The following CNGB1 variants were observed in gnomAD, a reference collection of about 807,000 sequenced individuals.
CNGB1 encodes cyclic nucleotide gated channel subunit beta 1.
Under a neutral mutation model 151.7 loss-of-function variants are expected in CNGB1, and 126 were observed. The ratio of observed to expected loss-of-function variants is 0.83; its 90% CI spans 0.72 to 0.96. CNGB1 has a LOEUF of 0.96. CNGB1 is among the 40% of genes least tolerant of loss of function. CNGB1 has a pLI of 0.00. For missense variants in CNGB1, 1,698 were observed against 1,627.0 expected (o/e 1.04, Z -0.75); for synonymous variants, 623 against 635.1 (o/e 0.98, Z 0.29).
At chr16:57,889,261 G>A (rs1403225766) in intron 31 of CNGB1, among the ~76,000 whole-genome samples, 9 of 152,096 alleles carry the variant, frequency 5.9e-5, no homozygotes, top group Non-Finnish European at 8.8e-5. Context: ...CCATGGCCTC[G>A]CAAAGTGCTG....
intron 31 of CNGB1, among the ~76,000 whole-genome samples, chr16:57,896,666 T>C (rs758986389): frequency 3.3e-5 from 5 of 151,672 alleles, no homozygotes; most frequent in Admixed American, 6.6e-5. Context: ...TGAGCCAAGA[T>C]TGTGCCACGG....
intron 31 of CNGB1, among the ~76,000 whole-genome samples, chr16:57,895,183 A>C (rs1960189650): frequency 6.6e-6 from 1 of 152,164 alleles, no homozygotes; most frequent in African/African-American, 2.4e-5. Flanking sequence ...GGTGGCTCAC[A>C]CCTGTAATCC....
chr16:57,939,315 G>T lies in CNGB1; in HGVS notation c.1372+115C>A, dbSNP rs542856705. On this transcript the variant is annotated intron_variant, in intron 16 of 32. Transcript: ENST00000251102. ...AGACAGGGTGGCTGAGGGGGCAATGGGGGGAAGGAGATGGAGGGAGAGGAG... is the reference window on the plus strand; with the variant it reads ...AGACAGGGTGGCTGAGGGGGCAATGTGGGGAAGGAGATGGAGGGAGAGGAG... 3.4e-6 allele frequency: 5 copies of T among 1,462,788 alleles called. No individual in the cohort carries two copies. The African/African-American group carries it at 4.2e-5, about 12-fold the overall frequency. 90.6% of individuals were successfully genotyped at this position (1,462,788 alleles called of 1,614,324 possible).
chr16:57,939,350 C>T (rs1236358592), intron 16 of CNGB1, 80 bp downstream of exon 16: 17 of 1,592,364 alleles, frequency 1.1e-5, no homozygotes, highest in African/African-American at 1.3e-5. Flanking sequence ...GGAGGGGTTG[C>T]CCCTGCACGA....
intron 25 of CNGB1, 52 bp from the exon 26 acceptor site, chr16:57,904,927 G>C (rs527671017): frequency 5.0e-6 from 8 of 1,610,610 alleles, no homozygotes; most frequent in Admixed American, 1.7e-5. Context: ...CCACTCTGCC[G>C]CCCCGAGCAG....
intron 12 of CNGB1, chr16:57,955,050 T>C (rs1234662055): frequency 5.4e-6 from 7 of 1,291,602 alleles, no homozygotes; most frequent in Non-Finnish European, 5.9e-6. Context: ...CGCCCGGCTA[T>C]GGGCCTTTTC....
At chr16:57,950,585 G>A in intron 12 of CNGB1, 45 bp from the exon 13 acceptor site, 1 of 1,609,766 alleles carries the variant, frequency 6.2e-7, no homozygotes, top group Non-Finnish European at 8.5e-7. Context: ...GTGCGGGAGA[G>A]TGGGCTTGGG....
At chr16:57,891,278 G>C (rs534591157) in intron 31 of CNGB1, among the ~76,000 whole-genome samples, 3 of 152,250 alleles carry the variant, frequency 2.0e-5, no homozygotes, top group Admixed American at 1.3e-4. Flanking sequence ...AGCAAAAATG[G>C]AAACATTGTT....
At chr16:57,916,065 G>A in intron 22 of CNGB1, 64 bp downstream of exon 22, 1 of 1,503,552 alleles carries the variant, frequency 6.7e-7, no homozygotes. Context: ...AGGCACCCAG[G>A]GCCCTCTGAG....
intron 4 of CNGB1, 133 bp downstream of exon 4, chr16:57,963,997 C>T (rs1962325262): frequency 3.7e-6 from 3 of 807,984 alleles, no homozygotes; most frequent in Non-Finnish European, 5.9e-6. Flanking sequence ...CCCAGGATGT[C>T]CCAGGGCTTT....
At chr16:57,941,984 T>A (rs975049682) in intron 14 of CNGB1, among the ~76,000 whole-genome samples, 2 of 152,200 alleles carry the variant, frequency 1.3e-5, no homozygotes, top group African/African-American at 4.8e-5. Context: ...CCCGAGTAGC[T>A]GGGACTACAG....
chr16:57,962,878 AGG>A lies in CNGB1; in HGVS notation c.382-8_382-7del. Reference sequence around the variant, plus strand: ...GTGCTGCCATGCCCCAGGATCTGCCAGGGACAGACAGACAGACATGGGCAGGG... The same window carrying A: ...GTGCTGCCATGCCCCAGGATCTGCCAGACAGACAGACAGACATGGGCAGGG... On this transcript the variant is annotated splice_polypyrimidine_tract_variant and splice_region_variant and intron_variant, in intron 5 of 32. Transcript: ENST00000251102. 1.2e-6 allele frequency: 2 copies of A among 1,612,626 alleles called. No homozygotes were observed. Among genetic ancestry groups the A allele is most frequent in the Non-Finnish European group, 1.7e-6 (2 of 1,180,006 alleles).
rs762543707 is a variant in CNGB1 at position 57,912,993 on chromosome 16, T to A, written c.2306A>T (p.Tyr769Phe). ...GCTGTTAAACTCGAAGAAGGCCATG[T>A]ACTGGAGGGAGAGGAGGGCGTGAGA... ...PLLRLPRCLK[Y>F]MAFFEFNSRL... Residue 769 changes from tyrosine (Y) to phenylalanine (F), a missense_variant and splice_region_variant, in exon 24 of 33, where the codon TAC (tyrosine) becomes TTC (phenylalanine). Physicochemically the swap from Tyr to Phe is conservative, Grantham distance 22. Coordinates refer to ENST00000251102, the MANE Select transcript of CNGB1 (RefSeq NM_001297.5). 1.7e-5 allele frequency: 28 copies of A among 1,613,818 alleles called. No homozygotes were observed. The Admixed American group carries it at 4.7e-4, about 27-fold the overall frequency.
chr16:57,940,285 G>A lies in CNGB1; in HGVS notation c.1158C>T (p.Gly386=), dbSNP rs773386184. ...LLDSCVVSQV[G]VGQSEEDGTR... is the part of the protein sequence containing the mutation. Reference sequence around the variant, plus strand: ...TCCCGTCTTCTTCACTCTGGCCCACGCCCACCTGCGACACCACACAGCTAT... The same window carrying A: ...TCCCGTCTTCTTCACTCTGGCCCACACCCACCTGCGACACCACACAGCTAT... The change falls in exon 15 of 33, where the codon GGC becomes GGT. Residue 386 remains glycine, a synonymous_variant. Transcript: ENST00000251102. 19 of 1,582,730 alleles carry A rather than the reference G, an allele frequency of 1.2e-5. No individual in the cohort carries two copies. In the Admixed American group the frequency reaches 1.3e-4, roughly 11 times the overall value.
At chr16:57,921,746 G>A (rs1254255395) in intron 18 of CNGB1, among the ~76,000 whole-genome samples, 2 of 152,202 alleles carry the variant, frequency 1.3e-5, no homozygotes, top group African/African-American at 4.8e-5. Flanking sequence ...TTCTAGTGGT[G>A]ACCAGTGGGA....
rs2149386601 is a variant in CNGB1, at chr16:57,960,079, A to G, written c.584-14T>C. The G allele has an allele frequency of 6.5e-7, 1 of 1,544,450 alleles. No individual in the cohort carries two copies. The highest frequency in any genetic ancestry group is 8.7e-7 in the Non-Finnish European group (1 of 1,150,534). ...GTCCTGGAGGCGCTAAGCAGCGGGG[A>G]AAGCAGGAGCTAGAGACGCCATCCC... On this transcript the variant is annotated splice_polypyrimidine_tract_variant and intron_variant, in intron 9 of 32. Transcript: ENST00000251102.
chr16:57,954,851 C>A, intron 12 of CNGB1: 1 of 999,798 alleles, frequency 1.0e-6, no homozygotes, highest in Non-Finnish European at 1.2e-6. Flanking sequence ...GGGCTGTGCA[C>A]GCGTCCTCTC....
chr16:57,898,320 C>T (rs1297345864), intron 29 of CNGB1, among the ~76,000 whole-genome samples: 1 of 152,094 alleles, frequency 6.6e-6, no homozygotes, highest in Non-Finnish European at 1.5e-5. Flanking sequence ...ATCTCAGGGG[C>T]TCGGGAAGAA....
chr16:57,929,827 AT>A (rs779690898), intron 17 of CNGB1, among the ~76,000 whole-genome samples: 48 of 152,272 alleles, frequency 3.2e-4, no homozygotes, highest in South Asian at 1.5e-3. Context: ...TCGAGAGGAG[AT>A]TTGGGTGGGG....
Sources: gnomAD v4.1 joint callset for allele counts (sites outside exome capture counted in the v4.1 genomes callset) on GRCh38, gnomAD v4.1.1 for gene constraint, MANE v1.5 for transcripts, NCBI Gene and HGNC (gene_info 2026-07-23, HGNC 2026-07-21) for gene names.